The following ANKRD17 variants were observed in gnomAD, a reference collection of about 807,000 sequenced individuals.
ANKRD17 encodes the protein ankyrin repeat domain-containing protein 17.
In ANKRD17, 19 loss-of-function variants were observed where a neutral mutation model predicts 229.7. That is an observed-to-expected ratio of 0.08 (90% CI 0.06 to 0.12). The LOEUF (loss-of-function observed/expected upper bound fraction) is 0.12, where lower values mean the gene tolerates loss of function less well. Ranked by LOEUF, ANKRD17 falls within the 10% of genes least tolerant of loss-of-function variation. The pLI, the probability that ANKRD17 is intolerant of heterozygous loss-of-function variation, is 1.00. For missense variants in ANKRD17, 2,176 were observed against 3,176.8 expected (o/e 0.68, Z 7.57); for synonymous variants, 1,112 against 1,146.1 (o/e 0.97, Z 0.60).
chr4:73,229,223 G>A lies in ANKRD17; in HGVS notation c.393+29053C>T, dbSNP rs111785343. On this transcript the variant is annotated intron_variant, in intron 1 of 33. Coordinates refer to ENST00000358602, the MANE Select transcript of ANKRD17 (RefSeq NM_032217.5). The stretch of plus-strand genomic sequence containing the variant: ...GGTGCAGCACACCAACATGGCACAT[G>A]TATACATATGTAACAAACCTGCACG... Among the ~76,000 whole-genome samples, 285 of 152,232 alleles carry A rather than the reference G, an allele frequency of 1.9e-3. 1 individual carries two copies. The highest frequency in any genetic ancestry group is 6.6e-3 in the African/African-American group (273 of 41,526).
chr4:73,082,131 C>T (rs935100047), intron 30 of ANKRD17, among the ~76,000 whole-genome samples: 12 of 124,356 alleles, frequency 9.6e-5, no homozygotes, highest in East Asian at 7.0e-4. Flanking sequence ...GCCTGGGCAA[C>T]AGAGAGATAC....
At position 73,148,878 on chromosome 4, in the gene ANKRD17, T is replaced by A; in HGVS notation, c.1502A>T (p.Tyr501Phe). The A allele has an allele frequency of 6.2e-7, 1 of 1,614,050 alleles. No homozygotes were observed. The highest frequency in any genetic ancestry group is 8.5e-7 in the Non-Finnish European group (1 of 1,179,962). ...ASLEEVNDEG[Y>F]TPLMEAAREG... is the part of the protein sequence containing the mutation. ...TCGAGCTGCTTCCATCAATGGTGTA[T>A]AACCTTCATCATTGACCTCTTCCAG... is the stretch of plus-strand genomic sequence containing the variant. Residue 501 changes from tyrosine to phenylalanine, a missense_variant, in exon 8 of 34, where the codon TAT becomes TTT. By Grantham distance (22) the Tyr-to-Phe change is conservative. Around this residue, in one of 18 missense-constraint regions of ANKRD17, gnomAD observed 42 missense variants for 141.3 expected, o/e 0.30. Coordinates refer to ENST00000358602, the MANE Select transcript of ANKRD17 (RefSeq NM_032217.5).
Position 73,200,164 on chromosome 4 carries a change from G to A in ANKRD17, c.394-22631C>T, listed in dbSNP as rs930843136. ...ATCTGAAATTTTTTATAAAGTACCA[G>A]GCAATTCAAATGTCTGCTTCCATTC... On this transcript the variant is annotated intron_variant, in intron 1 of 33. Transcript: ENST00000358602. Among the ~76,000 whole-genome samples, 7 of 152,238 alleles carry A rather than the reference G, an allele frequency of 4.6e-5. No homozygotes were observed. In the South Asian group the frequency reaches 1.5e-3, roughly 32 times the overall value.
chr4:73,078,328 G>C (rs1721208278), intron 31 of ANKRD17, among the ~76,000 whole-genome samples: 1 of 151,914 alleles, frequency 6.6e-6, no homozygotes, highest in African/African-American at 2.4e-5. Flanking sequence ...AGTGAGCAGA[G>C]ATTGTGCCGC....
In ANKRD17 at chr4:73,234,604, C is replaced by T. The variant is rs531162313; in HGVS notation, c.393+23672G>A. ...GTACAATTTAAGCAGGTAGGGCACGCGTATACGCAGGTACCCCAAAAAGGT... is the reference window on the plus strand; with the variant it reads ...GTACAATTTAAGCAGGTAGGGCACGTGTATACGCAGGTACCCCAAAAAGGT... On this transcript the variant is annotated intron_variant, in intron 1 of 33. Coordinates refer to ENST00000358602, the MANE Select transcript of ANKRD17 (RefSeq NM_032217.5). 6.6e-5 allele frequency among the ~76,000 whole-genome samples: 10 copies of T among 152,182 alleles called. 1 individual carries two copies. The highest frequency in any genetic ancestry group is 2.0e-4 in the Admixed American group (3 of 15,280).
intron 1 of ANKRD17, among the ~76,000 whole-genome samples, chr4:73,197,902 A>G (rs1488551472): frequency 6.6e-6 from 1 of 152,174 alleles, no homozygotes; most frequent in Non-Finnish European, 1.5e-5. Flanking sequence ...TGTATTAAAT[A>G]TATGTTTTTG....
At chr4:73,187,119 C>G (rs1489028579) in intron 1 of ANKRD17, among the ~76,000 whole-genome samples, 1 of 152,120 alleles carries the variant, frequency 6.6e-6, no homozygotes, top group Non-Finnish European at 1.5e-5. Context: ...CTAAATACAG[C>G]ACCAGATGCT....
At chr4:73,182,051 CAAAAAAAAAAAAAAAAAAAAAAAA>C (rs143812968) in intron 1 of ANKRD17, among the ~76,000 whole-genome samples, 73 of 43,262 alleles carry the variant, frequency 1.7e-3, no homozygotes, top group Admixed American at 4.5e-3. Context: ...CCGTCCCCAC[CAAAAAAAAAAAAAAAAAAAAAAAA>C]AAAAAAAAAA....
intron 3 of ANKRD17, among the ~76,000 whole-genome samples, chr4:73,158,433 C>T (rs1299347370): frequency 6.6e-6 from 1 of 152,188 alleles, no homozygotes; most frequent in East Asian, 1.9e-4. Context: ...GCTCCAACCT[C>T]CAAATATTTG....
At chr4:73,120,431 C>G in intron 20 of ANKRD17, 94 bp from the exon 21 acceptor site, 1 of 1,156,434 alleles carries the variant, frequency 8.6e-7, no homozygotes, top group Non-Finnish European at 1.2e-6. Flanking sequence ...GAATATGATA[C>G]AGCTGTTACC....
chr4:73,158,152 A>AAAAAGAAAGAAAGAAAGAAAGAAAG (rs1731955605), intron 3 of ANKRD17, among the ~76,000 whole-genome samples: 2 of 128,708 alleles, frequency 1.6e-5, no homozygotes, highest in Non-Finnish European at 3.3e-5. Context: ...GAAAGGAAGA[A>AAAAAGAAAGAAAGAAAGAAAGAAAG]AAAGAAAGAA....
chr4:73,233,888 T>C (rs894653221), intron 1 of ANKRD17, among the ~76,000 whole-genome samples: 2 of 152,194 alleles, frequency 1.3e-5, no homozygotes, highest in African/African-American at 2.4e-5. Flanking sequence ...TTTCCCTCTC[T>C]CTGGCAATAA....
At position 73,125,197 on chromosome 4, in the gene ANKRD17, C is replaced by T. The variant is rs374694385; in HGVS notation, c.3346+4G>A. 13 of 1,597,708 alleles carry T rather than the reference C, an allele frequency of 8.1e-6. No individual in the cohort carries two copies. Among genetic ancestry groups the T allele is most frequent in the Non-Finnish European group, 1.1e-5 (13 of 1,175,630 alleles). ...CCAAAAAATAAAACAAAAGTAGGCC[C>T]TACCTTTCTTGTCTCGGTGCTCTAT... On this transcript the variant is annotated splice_donor_region_variant and intron_variant, in intron 17 of 33. Transcript: ENST00000358602.
intron 1 of ANKRD17, among the ~76,000 whole-genome samples, chr4:73,199,272 G>A (rs1560708579): frequency 6.6e-6 from 1 of 151,158 alleles, no homozygotes; most frequent in Non-Finnish European, 1.5e-5. Flanking sequence ...GAGGAGGGAA[G>A]GGGAAAACAA....
At chr4:73,186,723 T>C (rs1301420734) in intron 1 of ANKRD17, among the ~76,000 whole-genome samples, 1 of 152,184 alleles carries the variant, frequency 6.6e-6, no homozygotes, top group Non-Finnish European at 1.5e-5. Context: ...GGACAAATTA[T>C]GAATATTTCA....
At chr4:73,217,290 A>G (rs189216947) in intron 1 of ANKRD17, among the ~76,000 whole-genome samples, 7 of 152,220 alleles carry the variant, frequency 4.6e-5, no homozygotes, top group African/African-American at 1.7e-4. Flanking sequence ...TCCATATTCC[A>G]CTAAAATATC....
intron 16 of ANKRD17, among the ~76,000 whole-genome samples, chr4:73,133,446 A>G (rs1359614945): frequency 7.2e-6 from 1 of 139,114 alleles, no homozygotes; most frequent in Non-Finnish European, 1.5e-5. Flanking sequence ...GCTGGAGTGC[A>G]GTGGCATGAT....
intron 30 of ANKRD17, among the ~76,000 whole-genome samples, chr4:73,079,800 A>G (rs1004385457): frequency 6.6e-5 from 10 of 152,226 alleles, no homozygotes; most frequent in African/African-American, 2.4e-4. Flanking sequence ...AAAAATAACC[A>G]AAATTATATT....
intron 8 of ANKRD17, among the ~76,000 whole-genome samples, chr4:73,148,300 C>G (rs1055949444): frequency 3.9e-5 from 6 of 152,140 alleles, no homozygotes; most frequent in African/African-American, 1.2e-4. Context: ...CTGAAGATAT[C>G]TTAACATATT....
Sources: allele counts gnomAD v4.1 joint callset (sites outside exome capture counted in the v4.1 genomes callset), GRCh38; gene constraint gnomAD v4.1.1; regional missense constraint gnomAD v4.1.1; transcripts MANE v1.5; gene names NCBI Gene and HGNC (gene_info 2026-07-23, HGNC 2026-07-21).